Variants in MCUR1 observed in about 807,000 individuals in gnomAD.
MCUR1 encodes the protein mitochondrial calcium uniporter regulator 1.
A neutral mutation model predicts 42.0 loss-of-function variants in MCUR1; 37 were observed. The observed-to-expected ratio is 0.88, with a 90% CI of 0.68 to 1.16. MCUR1 has a LOEUF of 1.16. Among genes scored for constraint, MCUR1 ranks in the 50% most tolerant of loss-of-function variants. The pLI is 0.00. For missense variants in MCUR1, 469 were observed against 468.4 expected (o/e 1.00, Z -0.01); for synonymous variants, 229 against 196.2 (o/e 1.17, Z -1.40).
intron 2 of MCUR1, among the ~76,000 whole-genome samples, chr6:13,804,567 G>A (rs1338152385): frequency 6.6e-6 from 1 of 151,430 alleles, no homozygotes; most frequent in African/African-American, 2.4e-5. Flanking sequence ...GAGGTCAGGA[G>A]ATCGAGACCA....
At position 13,787,504 on chromosome 6, in the gene MCUR1, A is replaced by G. The variant is rs1759628872; in HGVS notation, c.*3305T>C. ...AGCAGGTTTTGCTTATTAATGTAGC[A>G]GGAGAGCATGGAAATCGGAGTTCAG... On this transcript the variant is annotated 3_prime_UTR_variant, in exon 9 of 9. Coordinates refer to ENST00000379170, the MANE Select transcript of MCUR1 (RefSeq NM_001031713.4). 1 of 152,244 alleles carries G rather than the reference A, an allele frequency of 6.6e-6. No homozygotes were observed. Among genetic ancestry groups the G allele is most frequent in the African/African-American group, 2.4e-5 (1 of 41,462 alleles). The allele number at this position is 152,244 out of a possible 1,614,324, so 9.4% of individuals were successfully genotyped here. A position where few individuals can be genotyped will look rare whatever the true frequency, so the allele number is the denominator to read the frequency against.
Position 13,802,334 on chromosome 6 carries a change from T to TACTC in MCUR1, c.547_548insGAGT (p.Gln183ArgfsTer57), listed in dbSNP as rs1760009522. The TACTC allele has an allele frequency of 6.2e-7, 1 of 1,613,498 alleles. No homozygotes were observed. Among genetic ancestry groups the TACTC allele is most frequent in the Non-Finnish European group, 8.5e-7 (1 of 1,179,570 alleles). The stretch of plus-strand genomic sequence containing the variant: ...TGCAGACACAATGATTTCTGCTTGT[T>TACTC]GAGTAGCAAACCCTAAGCAAGCACA... On this transcript the variant is annotated frameshift_variant, in exon 3 of 9. Coordinates refer to ENST00000379170, the MANE Select transcript of MCUR1 (RefSeq NM_001031713.4). LOFTEE classifies it high-confidence loss of function.
In MCUR1 at chr6:13,794,947, T is replaced by A. The variant is rs77650611; in HGVS notation, c.856-1000A>T. ...GACAGTAAGATTGAAATCAGACTTA[T>A]CTCCTTAGTAGTGGGCAACAAGATT... is the stretch of plus-strand genomic sequence containing the variant. On this transcript the variant is annotated intron_variant, in intron 6 of 8. Transcript: ENST00000379170. Among the ~76,000 whole-genome samples, 2,575 of 152,222 alleles carry A rather than the reference T, an allele frequency of 0.017. 175 individuals are homozygous for A. The East Asian group carries it at 0.23, about 13-fold the overall frequency.
intron 4 of MCUR1, among the ~76,000 whole-genome samples, chr6:13,800,597 T>C (rs1259225840): frequency 6.6e-6 from 1 of 152,250 alleles, no homozygotes. Context: ...GTGTTTGGCA[T>C]ACACATTTGC....
intron 2 of MCUR1, 29 bp downstream of exon 2, chr6:13,806,896 G>A (rs1297598023): frequency 6.4e-7 from 1 of 1,553,794 alleles, no homozygotes; most frequent in Non-Finnish European, 8.7e-7. Flanking sequence ...TTTTTCTAAG[G>A]CACTAAATGA....
At chr6:13,813,046 C>T (rs1013889950) in intron 1 of MCUR1, among the ~76,000 whole-genome samples, 1 of 152,152 alleles carries the variant, frequency 6.6e-6, no homozygotes. Flanking sequence ...CATTTAGATG[C>T]GCAAATACCA....
intron 1 of MCUR1, 60 bp downstream of exon 1, chr6:13,813,955 C>T: frequency 8.2e-7 from 1 of 1,222,708 alleles, no homozygotes; most frequent in Non-Finnish European, 1.0e-6. Context: ...AGCTGAGATC[C>T]CCGCCCCGCC....
Position 13,806,908 on chromosome 6 carries a change from G to T in MCUR1, c.535+17C>A. 6.4e-7 allele frequency: 1 copy of T among 1,571,284 alleles called. No individual in the cohort carries two copies. The highest frequency in any genetic ancestry group is 8.7e-7 in the Non-Finnish European group (1 of 1,154,122). ...GTGTTTTTCTAAGGCACTAAATGAC[G>T]AATGACAGAGGATTACCATTGTCTT... On this transcript the variant is annotated intron_variant, in intron 2 of 8. Coordinates refer to ENST00000379170, the MANE Select transcript of MCUR1 (RefSeq NM_001031713.4).
chr6:13,796,220 C>T (rs1759850710), intron 6 of MCUR1, among the ~76,000 whole-genome samples: 1 of 151,808 alleles, frequency 6.6e-6, no homozygotes, highest in Non-Finnish European at 1.5e-5. Context: ...TGAATGAATC[C>T]ACTCTATATA....
intron 1 of MCUR1, among the ~76,000 whole-genome samples, chr6:13,808,703 G>C (rs1169812067): frequency 6.6e-6 from 1 of 152,158 alleles, no homozygotes; most frequent in Non-Finnish European, 1.5e-5. Context: ...GTGTGTGGTA[G>C]TGGGTTCAGC....
At chr6:13,795,255 G>A (rs1759830619) in intron 6 of MCUR1, among the ~76,000 whole-genome samples, 1 of 152,084 alleles carries the variant, frequency 6.6e-6, no homozygotes. Context: ...GACCAGGAGA[G>A]CCCGATGCAT....
intron 6 of MCUR1, among the ~76,000 whole-genome samples, chr6:13,796,487 C>T (rs1164920264): frequency 2.0e-5 from 3 of 151,986 alleles, no homozygotes; most frequent in Non-Finnish European, 4.4e-5. Context: ...GGTTTCACCA[C>T]GTTGGCCAGG....
chr6:13,805,018 C>G (rs1760086933), intron 2 of MCUR1, among the ~76,000 whole-genome samples: 1 of 152,116 alleles, frequency 6.6e-6, no homozygotes, highest in African/African-American at 2.4e-5. Flanking sequence ...CAGACACCCC[C>G]AACTCATCCA....
chr6:13,787,838 C>T lies in MCUR1; in HGVS notation c.*2971G>A, dbSNP rs537703733. 4 of 152,240 alleles carry T rather than the reference C, an allele frequency of 2.6e-5. No individual in the cohort carries two copies. The highest frequency in any genetic ancestry group is 9.6e-5 in the African/African-American group (4 of 41,536). 9.4% of individuals were successfully genotyped at this position (152,240 alleles called of 1,614,324 possible). ...TAAAGTAATCTGAATCCTTATAAGCCAGGGTAGCTCAGGAGGTTCTATTTA... is the reference window on the plus strand; with the variant it reads ...TAAAGTAATCTGAATCCTTATAAGCTAGGGTAGCTCAGGAGGTTCTATTTA... On this transcript the variant is annotated 3_prime_UTR_variant, in exon 9 of 9. Transcript: ENST00000379170.
At position 13,786,948 on chromosome 6, in the gene MCUR1, T is replaced by G. The variant is rs1384964438; in HGVS notation, c.*3861A>C. 3 of 152,242 alleles carry G rather than the reference T, an allele frequency of 2.0e-5. No individual in the cohort carries two copies. The highest frequency in any genetic ancestry group is 2.9e-5 in the Non-Finnish European group (2 of 68,048). 9.4% of individuals were successfully genotyped at this position (152,242 alleles called of 1,614,324 possible). ...TACATGAAGAATAAATTATTTCTGG[T>G]TAACATGTTTTTGCCTTAGTGCCAA... On this transcript the variant is annotated 3_prime_UTR_variant, in exon 9 of 9. Coordinates refer to ENST00000379170, the MANE Select transcript of MCUR1 (RefSeq NM_001031713.4).
chr6:13,801,340 T>C lies in MCUR1; in HGVS notation c.689A>G (p.Asp230Gly), dbSNP rs369239007. 21 of 1,613,084 alleles carry C rather than the reference T, an allele frequency of 1.3e-5. No homozygotes were observed. The highest frequency in any genetic ancestry group is 1.6e-5 in the Non-Finnish European group (19 of 1,179,914). Reference protein sequence around the residue: ...VMSQIANVKKDMIILEKSEFS... With the variant: ...VMSQIANVKKGMIILEKSEFS... ...TTCACTCTTCTCCAAAATAATCATATCCTTTTTCACATTCGCAATCTGAGA... is the reference window on the plus strand; with the variant it reads ...TTCACTCTTCTCCAAAATAATCATACCCTTTTTCACATTCGCAATCTGAGA... Residue 230 changes from aspartate to glycine, a missense_variant, in exon 4 of 9, where the codon GAT (aspartate) becomes GGT (glycine). Transcript: ENST00000379170.
chr6:13,793,802 TG>T (rs1759790601), intron 7 of MCUR1, 91 bp downstream of exon 7: 7 of 1,111,740 alleles, frequency 6.3e-6, no homozygotes, highest in Non-Finnish European at 8.1e-6. Flanking sequence ...TAAACCTGCA[TG>T]TAACTTCCTA....
At chr6:13,809,920 AAAGGC>A (rs1364332443) in intron 1 of MCUR1, among the ~76,000 whole-genome samples, 1 of 151,458 alleles carries the variant, frequency 6.6e-6, no homozygotes, top group African/African-American at 2.4e-5. Flanking sequence ...AAAAATATTT[AAAGGC>A]CGGGCGTGGT....
chr6:13,802,049 A>G (rs569677763), intron 3 of MCUR1, among the ~76,000 whole-genome samples, 194 bp downstream of exon 3: 1 of 152,330 alleles, frequency 6.6e-6, no homozygotes, highest in African/African-American at 2.4e-5. Context: ...AAGCATAACG[A>G]TTCTACAACT....
Sources: allele counts gnomAD v4.1 joint callset (sites outside exome capture counted in the v4.1 genomes callset), GRCh38; gene constraint gnomAD v4.1.1; transcripts MANE v1.5; gene names NCBI Gene and HGNC (gene_info 2026-07-23, HGNC 2026-07-21).